Variants in CUBN observed in about 807,000 individuals in gnomAD.
The protein encoded by CUBN is 460 kDa receptor.
A neutral mutation model predicts 405.3 loss-of-function variants in CUBN; 282 were observed. That is an observed-to-expected ratio of 0.70 (90% confidence interval 0.63 to 0.77). The LOEUF (loss-of-function observed/expected upper bound fraction) is 0.77, where lower values mean the gene tolerates loss of function less well. Among genes scored for constraint, CUBN ranks in the 30% least tolerant of loss-of-function variants. The pLI is 0.00. For missense variants in CUBN, 4,514 were observed against 4,475.2 expected, an observed-to-expected ratio of 1.01 and a Z score of -0.25; for synonymous variants, 1,684 against 1,617.0, an observed-to-expected ratio of 1.04 and a Z score of -0.99.
intron 41 of CUBN, among the ~76,000 whole-genome samples, chr10:16,927,803 C>T (rs980922157): frequency 2.2e-4 from 34 of 152,336 alleles, no homozygotes; most frequent in African/African-American, 5.8e-4. Flanking sequence ...TTTGCTCCTT[C>T]GATGAGTTAT....
chr10:17,100,276 T>G (rs763954622), intron 13 of CUBN, 37 bp from the exon 14 acceptor site: 1 of 1,369,972 alleles, frequency 7.3e-7, no homozygotes, highest in Non-Finnish European at 1.0e-6. Flanking sequence ...ATCTTTTACT[T>G]CCATGTAAAT....
In CUBN at chr10:17,043,933, C is replaced by T; in HGVS notation, c.3723G>A (p.Gly1241=). ...SNSHLLTQLC[G]DEKPPLIRSS... is the part of the protein sequence containing the mutation. The stretch of plus-strand genomic sequence containing the variant: ...AACGAATAAGAGGGGGTTTCTCATC[C>T]CCACAAAGCTGAGTTAGCAGATGAG... The change falls in exon 26 of 67, where the codon GGG becomes GGA. Residue 1241 remains glycine (G), a synonymous_variant. Coordinates refer to ENST00000377833, the MANE Select transcript of CUBN (RefSeq NM_001081.4). 1 of 1,613,482 alleles carries T rather than the reference C, an allele frequency of 6.2e-7. No individual in the cohort carries two copies.
intron 43 of CUBN, among the ~76,000 whole-genome samples, chr10:16,920,710 A>T (rs1343712712): frequency 6.6e-6 from 1 of 152,204 alleles, no homozygotes; most frequent in African/African-American, 2.4e-5. Flanking sequence ...CTTTTCTAAA[A>T]AACCAAAGCA....
chr10:17,045,360 A>ATTT (rs34487389), intron 24 of CUBN, among the ~76,000 whole-genome samples, 172 bp from the exon 25 acceptor site: 2 of 134,292 alleles, frequency 1.5e-5, no homozygotes, highest in African/African-American at 2.8e-5. Flanking sequence ...ATTTTTTTCT[A>ATTT]TTTTTTTTTT....
chr10:16,954,182 G>A (rs1021337018), intron 32 of CUBN, among the ~76,000 whole-genome samples: 3 of 152,142 alleles, frequency 2.0e-5, no homozygotes, highest in Admixed American at 6.5e-5. Context: ...TTAGAGATGC[G>A]GGTCCAAAGG....
Position 16,933,227 on chromosome 10 carries a change from C to A in CUBN, c.5984G>T (p.Gly1995Val), listed in dbSNP as rs1208157727. The change falls in exon 40 of 67, where the codon GGC (glycine) becomes GTC (valine). Residue 1995 changes from glycine to valine, a missense_variant. By Grantham distance (109) the Gly-to-Val change is moderately radical. Coordinates refer to ENST00000377833, the MANE Select transcript of CUBN (RefSeq NM_001081.4). The part of the protein sequence containing the change: ...GDAPVFLFSP[G>V]WPDSYSNRVD... ...TCTATTACTGTAACTGTCAGGCCAG[C>A]CCGGGGAGAAGAGAAACACGGGTGC... 1 of 1,613,906 alleles carries A rather than the reference C, an allele frequency of 6.2e-7. No homozygotes were observed. Among genetic ancestry groups the A allele is most frequent in the African/African-American group, 1.3e-5 (1 of 74,880 alleles).
intron 43 of CUBN, among the ~76,000 whole-genome samples, chr10:16,920,437 T>G (rs528927787): frequency 1.3e-5 from 2 of 152,286 alleles, no homozygotes; most frequent in East Asian, 1.9e-4. Context: ...CACAGAAGCA[T>G]GAATAAATAT....
Position 17,103,225 on chromosome 10 carries a change from G to T in CUBN, c.1430C>A (p.Ser477Tyr), listed in dbSNP as rs1414462952. The T allele has an allele frequency of 6.2e-6, 10 of 1,608,598 alleles. No homozygotes were observed. The highest frequency in any genetic ancestry group is 1.7e-5 in the Admixed American group (1 of 60,018). ...GAAGCTTCCATTTATTCCTGAGAGG[G>T]ACTCTCCACAAACTGCAAAGGAAAA... is the stretch of plus-strand genomic sequence containing the variant. Reference protein sequence around the residue: ...CQVPQQVCGESLSGINGSFSY... With the variant: ...CQVPQQVCGEYLSGINGSFSY... Residue 477 changes from serine (S) to tyrosine (Y), a missense_variant, in exon 13 of 67, where the codon TCC becomes TAC. Coordinates refer to ENST00000377833, the MANE Select transcript of CUBN (RefSeq NM_001081.4).
intron 10 of CUBN, among the ~76,000 whole-genome samples, chr10:17,108,681 AG>A (rs1425584968): frequency 2.0e-5 from 3 of 152,192 alleles, no homozygotes. Context: ...CAGTAAAGAA[AG>A]CCTTCCTAAA....
intron 19 of CUBN, among the ~76,000 whole-genome samples, chr10:17,070,836 T>C (rs867236125): frequency 1.3e-5 from 2 of 152,186 alleles, no homozygotes; most frequent in Non-Finnish European, 2.9e-5. Flanking sequence ...TTCCCTTTCA[T>C]TCTGGATGCA....
At chr10:17,096,428 T>C (rs1394447116) in intron 14 of CUBN, among the ~76,000 whole-genome samples, 1 of 152,120 alleles carries the variant, frequency 6.6e-6, no homozygotes. Context: ...CATTTGTCAG[T>C]TAAGCTCCAA....
At chr10:17,113,901 G>C in intron 8 of CUBN, 126 bp downstream of exon 8, 1 of 922,394 alleles carries the variant, frequency 1.1e-6, no homozygotes, top group South Asian at 1.4e-5. Flanking sequence ...GCAGAACCAG[G>C]ACACAAAACT....
intron 65 of CUBN, among the ~76,000 whole-genome samples, chr10:16,829,941 T>G (rs1258981362): frequency 2.0e-5 from 3 of 150,384 alleles, no homozygotes; most frequent in African/African-American, 4.9e-5. Flanking sequence ...TTTTTTGTTT[T>G]GTTTTTTTTT....
intron 64 of CUBN, among the ~76,000 whole-genome samples, chr10:16,833,990 C>T (rs912853439): frequency 1.3e-5 from 2 of 152,182 alleles, no homozygotes; most frequent in South Asian, 2.1e-4. Flanking sequence ...AGTTTAGAGA[C>T]GGTCAGGATG....
chr10:16,846,288 T>C (rs1839505944), intron 60 of CUBN, among the ~76,000 whole-genome samples: 1 of 152,222 alleles, frequency 6.6e-6, no homozygotes. Flanking sequence ...TTTGTTTACA[T>C]TTATACTTTT....
intron 36 of CUBN, among the ~76,000 whole-genome samples, chr10:16,945,767 C>CAAA (rs61141075): frequency 4.9e-5 from 4 of 81,388 alleles, no homozygotes; most frequent in African/African-American, 4.6e-5. Flanking sequence ...ACTGTGTCTC[C>CAAA]AAAAAAAAAA....
intron 59 of CUBN, among the ~76,000 whole-genome samples, chr10:16,868,909 G>A (rs1056155877): frequency 1.3e-5 from 2 of 152,088 alleles, no homozygotes; most frequent in Non-Finnish European, 1.5e-5. Context: ...AGTCTCCTAA[G>A]CCACCATCAT....
At chr10:16,958,838 A>T (rs1843142845) in intron 31 of CUBN, among the ~76,000 whole-genome samples, 1 of 152,206 alleles carries the variant, frequency 6.6e-6, no homozygotes, top group Non-Finnish European at 1.5e-5. Flanking sequence ...TTGTGATACC[A>T]TAGAATACCT....
chr10:17,069,372 T>C (rs145767672), intron 19 of CUBN, among the ~76,000 whole-genome samples: 10 of 152,356 alleles, frequency 6.6e-5, no homozygotes, highest in South Asian at 2.1e-4. Flanking sequence ...CTGGATCAGA[T>C]AGTATCTCTA....
Sources: gnomAD v4.1 joint callset for allele counts (sites outside exome capture counted in the v4.1 genomes callset) on GRCh38, gnomAD v4.1.1 for gene constraint, MANE v1.5 for transcripts, NCBI Gene and HGNC (gene_info 2026-07-23, HGNC 2026-07-21) for gene names.